SPON2: variants seen among roughly 807,000 people sequenced by gnomAD.
The protein encoded by SPON2 is spondin 2, also known as spondin-2.
A neutral mutation model predicts 29.9 loss-of-function variants in SPON2; 32 were observed. That is an observed-to-expected ratio of 1.07 (90% confidence interval 0.81 to 1.44). SPON2 has a LOEUF of 1.44. Ranked by LOEUF, SPON2 falls within the 40% of genes most tolerant of loss-of-function variation. The probability of loss-of-function intolerance (pLI) is 0.00; values close to 1 mark genes in which losing one functional copy is unlikely to be tolerated. For synonymous variants in SPON2, 248 were observed against 209.1 expected (o/e 1.19, Z -1.61); for missense variants, 541 against 455.5 (o/e 1.19, Z -1.71).
In SPON2 at chr4:1,186,594, G is replaced by C. The variant is rs187864031; in HGVS notation, c.-238-7053C>G. On this transcript the variant is annotated intron_variant, in intron 1 of 3. Transcript: ENST00000502483. ...GCTGGGATTACAGGTGTGAGCCACT[G>C]CACCCAGCTGATGGGAGAAAATATT... Among the ~76,000 whole-genome samples, 903 of 152,280 alleles carry C rather than the reference G, an allele frequency of 5.9e-3. 6 individuals are homozygous for C. Among genetic ancestry groups the C allele is most frequent in the African/African-American group, 0.02 (844 of 41,558 alleles).
At chr4:1,206,548 C>T (rs1456280818) in intron 1 of SPON2, among the ~76,000 whole-genome samples, 3 of 152,200 alleles carry the variant, frequency 2.0e-5, no homozygotes, top group African/African-American at 7.2e-5. Flanking sequence ...ACAGATGTGT[C>T]CCCTGTGGGA....
At chr4:1,170,736 G>A (rs906165290) in intron 4 of SPON2, 160 bp from the exon 5 acceptor site, 5 of 1,067,616 alleles carry the variant, frequency 4.7e-6, no homozygotes, top group Middle Eastern at 2.0e-4. Context: ...CACGGAACAC[G>A]GGCTGGAAAC....
In SPON2 at chr4:1,171,186, G is replaced by A; in HGVS notation, c.449C>T (p.Ser150Leu). The change falls in exon 4 of 6, where the codon TCG becomes TTG. Residue 150 changes from serine (S) to leucine (L), a missense_variant. Ser to Leu is a moderately radical substitution (Grantham distance 145). Transcript: ENST00000290902. ...LEVQRRHSLV[S>L]FVVRIVPSPD... ...GCTGGGCACGATGCGCACCACAAAC[G>A]AGACCTGCGGCGACAGCGGCTCAGC... is the stretch of plus-strand genomic sequence containing the variant. The A allele has an allele frequency of 6.6e-7, 1 of 1,512,250 alleles. No homozygotes were observed. Among genetic ancestry groups the A allele is most frequent in the Non-Finnish European group, 8.8e-7 (1 of 1,135,728 alleles). 93.7% of individuals were successfully genotyped at this position (1,512,250 alleles called of 1,614,324 possible). A position where few individuals can be genotyped will look rare whatever the true frequency, so the allele number is the denominator to read the frequency against.
upstream of SPON2, chr4:1,199,806 C>T (rs1295650322): frequency 6.6e-6 from 1 of 152,316 alleles, no homozygotes; most frequent in African/African-American, 2.4e-5. This position sits in a 1 kb window ranked among gnomAD's most constrained non-coding sequence, Gnocchi z 4.5. Context: ...GAGGAGAGGC[C>T]ATGTTTTCCA....
intron 1 of SPON2, among the ~76,000 whole-genome samples, chr4:1,207,626 A>G (rs1971960): frequency 0.42 from 51,266 of 121,348 alleles, 10,312 homozygotes; most frequent in South Asian, 0.48. Context: ...CCGCGCTTAC[A>G]CATGCTCCAG....
At chr4:1,183,558 C>T (rs1354048525) in intron 1 of SPON2, among the ~76,000 whole-genome samples, 1 of 152,152 alleles carries the variant, frequency 6.6e-6, no homozygotes, top group African/African-American at 2.4e-5. Flanking sequence ...ATTCTCGTCA[C>T]TTTGGTTTGT....
At chr4:1,192,469 G>A (rs1727931959) in intron 1 of SPON2, among the ~76,000 whole-genome samples, 1 of 152,226 alleles carries the variant, frequency 6.6e-6, no homozygotes, top group African/African-American at 2.4e-5. Flanking sequence ...GCCCTTTGCT[G>A]TAGCTAAACT....
At chr4:1,190,457 T>A (rs1727891596) in intron 1 of SPON2, among the ~76,000 whole-genome samples, 1 of 152,216 alleles carries the variant, frequency 6.6e-6, no homozygotes, top group Non-Finnish European at 1.5e-5. Flanking sequence ...ATTACCCTGA[T>A]ACCAAAACTA....
upstream of SPON2, among the ~76,000 whole-genome samples, chr4:1,176,522 TCA>T (rs990298213): frequency 6.6e-6 from 1 of 151,126 alleles, no homozygotes; most frequent in Non-Finnish European, 1.5e-5. Context: ...GTACATTGAT[TCA>T]CACAGTACAT....
At chr4:1,167,724 C>T in intron 5 of SPON2, 68 bp from the exon 6 acceptor site, 3 of 1,488,068 alleles carry the variant, frequency 2.0e-6, no homozygotes, top group African/African-American at 1.4e-5. Flanking sequence ...AAACGGAAGC[C>T]ACCTCCCACC....
intron 1 of SPON2, among the ~76,000 whole-genome samples, chr4:1,191,449 C>CA (rs1305215078): frequency 2.0e-5 from 3 of 152,136 alleles, no homozygotes; most frequent in African/African-American, 7.2e-5. Context: ...ACACCATATA[C>CA]AAAAAAATTA....
At chr4:1,183,431 T>C (rs1054633431) in intron 1 of SPON2, among the ~76,000 whole-genome samples, 9 of 152,146 alleles carry the variant, frequency 5.9e-5, no homozygotes, top group Non-Finnish European at 1.3e-4. Flanking sequence ...TAAAAGTAGA[T>C]ATGTGAGCAA....
In SPON2 at chr4:1,182,187, A is replaced by G. The variant is rs563466254; in HGVS notation, c.-238-2646T>C. Reference sequence around the variant, plus strand: ...CCGATTTTCAAGAAAAAGAATCACAAGGCATACAAAGAAACAGGAAAGTAT... The same window carrying G: ...CCGATTTTCAAGAAAAAGAATCACAGGGCATACAAAGAAACAGGAAAGTAT... On this transcript the variant is annotated intron_variant, in intron 1 of 3. Coordinates refer to the SPON2 transcript ENST00000502483. Among the ~76,000 whole-genome samples the G allele has an allele frequency of 8.4e-4, 128 of 152,358 alleles. 1 individual carries two copies. Among genetic ancestry groups the G allele is most frequent in the African/African-American group, 3.0e-3 (124 of 41,576 alleles).
At chr4:1,207,054 C>T (rs529794256) in intron 1 of SPON2, among the ~76,000 whole-genome samples, 17 of 138,526 alleles carry the variant, frequency 1.2e-4, no homozygotes, top group African/African-American at 4.5e-4. Context: ...GTGGGGAGCA[C>T]GGGGAGGAGG....
chr4:1,194,159 A>G (rs1332497504), intron 1 of SPON2, among the ~76,000 whole-genome samples: 1 of 152,022 alleles, frequency 6.6e-6, no homozygotes, highest in Non-Finnish European at 1.5e-5. Context: ...ATGGGGAGAG[A>G]GACACCCTCC....
intron 2 of SPON2, among the ~76,000 whole-genome samples, chr4:1,178,685 G>A (rs904516077): frequency 6.9e-6 from 1 of 144,586 alleles, no homozygotes; most frequent in African/African-American, 2.6e-5. Context: ...TGTCATGCCA[G>A]GGTTTTTTTT....
chr4:1,178,962 T>A (rs941193471), intron 2 of SPON2, among the ~76,000 whole-genome samples: 4 of 152,230 alleles, frequency 2.6e-5, no homozygotes, highest in African/African-American at 9.6e-5. Flanking sequence ...CCATTCTGGA[T>A]TCAGGTTTCT....
chr4:1,190,777 C>T (rs370298213), intron 1 of SPON2, among the ~76,000 whole-genome samples: 10 of 151,990 alleles, frequency 6.6e-5, no homozygotes, highest in African/African-American at 2.4e-4. Context: ...AAAATACAGA[C>T]CAATATTATA....
chr4:1,179,228 G>T (rs1044018290), intron 2 of SPON2, among the ~76,000 whole-genome samples: 2 of 95,570 alleles, frequency 2.1e-5, no homozygotes, highest in Admixed American at 2.7e-4. Flanking sequence ...CAGGCTCACG[G>T]GAGGGCCAGC....
Sources: allele counts gnomAD v4.1 joint callset (sites outside exome capture counted in the v4.1 genomes callset), GRCh38; gene constraint gnomAD v4.1.1; non-coding constraint Gnocchi (gnomAD v3.1); transcripts MANE v1.5; gene names NCBI Gene and HGNC (gene_info 2026-07-23, HGNC 2026-07-21).